HAPLN4: variants seen among roughly 807,000 people sequenced by gnomAD.
The protein encoded by HAPLN4 is hyaluronan and proteoglycan link protein 4.
HAPLN4 carries 19 observed loss-of-function variants against 28.0 expected under a neutral mutation model. That is an observed-to-expected ratio of 0.68 (90% confidence interval 0.47 to 1.00). HAPLN4 has a LOEUF of 1.00. Among genes scored for constraint, HAPLN4 ranks in the 50% least tolerant of loss-of-function variants. HAPLN4 has a pLI of 0.00. For missense variants in HAPLN4, 587 were observed against 602.6 expected (o/e 0.97, Z 0.27); for synonymous variants, 274 against 273.0 (o/e 1.00, Z -0.03).
Position 19,261,579 on chromosome 19 carries a change from G to C in HAPLN4, c.4-16C>G, listed in dbSNP as rs965140125. 16 of 1,444,298 alleles carry C rather than the reference G, an allele frequency of 1.1e-5. No individual in the cohort carries two copies. In the African/African-American group the frequency reaches 1.2e-4, roughly 11 times the overall value. 89.5% of individuals were successfully genotyped at this position (1,444,298 alleles called of 1,614,324 possible). A position where few individuals can be genotyped will look rare whatever the true frequency, so the allele number is the denominator to read the frequency against. On this transcript the variant is annotated splice_polypyrimidine_tract_variant and intron_variant, in intron 1 of 4. Coordinates refer to ENST00000291481, the MANE Select transcript of HAPLN4 (RefSeq NM_023002.3). ...GAGCGCACACCTGGGGGGCGGGCACGGGGCGCTCAGTCCAGCCTCCCAGCC... is the reference window on the plus strand; with the variant it reads ...GAGCGCACACCTGGGGGGCGGGCACCGGGCGCTCAGTCCAGCCTCCCAGCC...
chr19:19,256,238 C>T lies in HAPLN4; in HGVS notation c.*1579G>A, dbSNP rs531063295. ...TTTGTAGGACGACGACAAACATGCCCGGGTGTTGCAAGATTGTCTCGTGCA... is the reference window on the plus strand; with the variant it reads ...TTTGTAGGACGACGACAAACATGCCTGGGTGTTGCAAGATTGTCTCGTGCA... On this transcript the variant is annotated 3_prime_UTR_variant, in exon 5 of 5. Transcript: ENST00000291481. 1 of 152,258 alleles carries T rather than the reference C, an allele frequency of 6.6e-6. No individual in the cohort carries two copies. Among genetic ancestry groups the T allele is most frequent in the African/African-American group, 2.4e-5 (1 of 41,520 alleles). 9.4% of individuals were successfully genotyped at this position (152,258 alleles called of 1,614,324 possible).
chr19:19,257,144 T>C lies in HAPLN4; in HGVS notation c.*673A>G, dbSNP rs1417549278. Reference sequence around the variant, plus strand: ...GTCAGTCTGAGGTGGCAGATGGGGGTGCTCGCCCATGAAACTAGAGGGGTG... The same window carrying C: ...GTCAGTCTGAGGTGGCAGATGGGGGCGCTCGCCCATGAAACTAGAGGGGTG... On this transcript the variant is annotated 3_prime_UTR_variant, in exon 5 of 5. Transcript: ENST00000291481. 6.6e-6 allele frequency: 1 copy of C among 151,306 alleles called. No homozygotes were observed. The highest frequency in any genetic ancestry group is 2.4e-5 in the African/African-American group (1 of 41,036). 9.4% of individuals were successfully genotyped at this position (151,306 alleles called of 1,614,324 possible).
At chr19:19,262,671 A>G in intron 1 of HAPLN4, 59 bp downstream of exon 1, 1 of 1,586,560 alleles carries the variant, frequency 6.3e-7, no homozygotes, top group East Asian at 2.2e-5. Flanking sequence ...GCAGAGAGAT[A>G]TAGAATCCAA....
chr19:19,261,503 G>A lies in HAPLN4; in HGVS notation c.64C>T (p.Leu22=), dbSNP rs1263668463. Residue 22 remains leucine, a synonymous_variant, in exon 2 of 5, where the codon CTG becomes TTG. Transcript: ENST00000291481. Reference sequence around the variant, plus strand: ...TGCGCCCCCGCAGGGGCTGTGAGCAGCAGGACGCCCCAGGCCGCGGCCCAG... The same window carrying A: ...TGCGCCCCCGCAGGGGCTGTGAGCAACAGGACGCCCCAGGCCGCGGCCCAG... The part of the protein sequence containing the change: ...ALWAAAWGVL[L]LTAPAGAQRG... 1 of 1,611,630 alleles carries A rather than the reference G, an allele frequency of 6.2e-7. No homozygotes were observed. Among genetic ancestry groups the A allele is most frequent in the South Asian group, 1.1e-5 (1 of 91,020 alleles).
chr19:19,258,759 G>A lies in HAPLN4; in HGVS notation c.581C>T (p.Ser194Phe), dbSNP rs2060974719. The change falls in exon 4 of 5, where the codon TCT becomes TTT. Residue 194 changes from serine to phenylalanine, a missense_variant. Transcript: ENST00000291481. This position sits in a 1 kb window ranked among gnomAD's most constrained non-coding sequence, Gnocchi z 6.2. ...ACAEQDGILA[S>F]AEQLHAAWRD... ...CCAGGCCGCGTGCAGCTGTTCTGCA[G>A]ATGCCAGGATGCCGTCCTGCTCGGC... 6.2e-7 allele frequency: 1 copy of A among 1,604,416 alleles called. No individual in the cohort carries two copies. Among genetic ancestry groups the A allele is most frequent in the African/African-American group, 1.3e-5 (1 of 74,912 alleles).
At chr19:19,259,417 TCA>T (rs1189923109) in intron 3 of HAPLN4, among the ~76,000 whole-genome samples, 2 of 152,250 alleles carry the variant, frequency 1.3e-5, no homozygotes, top group Non-Finnish European at 1.5e-5. Context: ...CTCATTGGAC[TCA>T]CAGTCCGTTC....
Position 19,256,279 on chromosome 19 carries a change from A to C in HAPLN4, c.*1538T>G, listed in dbSNP as rs1599831080. On this transcript the variant is annotated 3_prime_UTR_variant, in exon 5 of 5. Coordinates refer to ENST00000291481, the MANE Select transcript of HAPLN4 (RefSeq NM_023002.3). ...GTCTCGTGCACAGCTGCTATCCGGC[A>C]TAGAGTTAACGTGCAAACGGAGGGT... is the stretch of plus-strand genomic sequence containing the variant. The C allele has an allele frequency of 6.6e-6, 1 of 152,386 alleles. No homozygotes were observed. Among genetic ancestry groups the C allele is most frequent in the African/African-American group, 2.4e-5 (1 of 41,440 alleles). The allele number at this position is 152,386 out of a possible 1,614,324, so 9.4% of individuals were successfully genotyped here.
chr19:19,260,767 C>T (rs759417047), intron 3 of HAPLN4, 46 bp downstream of exon 3: 28 of 1,578,760 alleles, frequency 1.8e-5, no homozygotes, highest in Middle Eastern at 3.3e-4. Flanking sequence ...TCCCCGCCCC[C>T]CTCCTTCCTC....
In HAPLN4 at chr19:19,261,568, G is replaced by T; in HGVS notation, c.4-5C>A. On this transcript the variant is annotated splice_polypyrimidine_tract_variant and splice_region_variant and intron_variant, in intron 1 of 4. Coordinates refer to ENST00000291481, the MANE Select transcript of HAPLN4 (RefSeq NM_023002.3). ...GAGGGCCGCCCGAGCGCACACCTGG[G>T]GGGCGGGCACGGGGCGCTCAGTCCA... 6.8e-7 allele frequency: 1 copy of T among 1,480,070 alleles called. No individual in the cohort carries two copies. The highest frequency in any genetic ancestry group is 8.9e-7 in the Non-Finnish European group (1 of 1,122,126). The allele number at this position is 1,480,070 out of a possible 1,614,324, so 91.7% of individuals were successfully genotyped here. A position where few individuals can be genotyped will look rare whatever the true frequency, so the allele number is the denominator to read the frequency against.
In HAPLN4 at chr19:19,255,765, G is replaced by A. The variant is rs1025400471; in HGVS notation, c.*2052C>T. 1 of 152,182 alleles carries A rather than the reference G, an allele frequency of 6.6e-6. No individual in the cohort carries two copies. The highest frequency in any genetic ancestry group is 2.4e-5 in the African/African-American group (1 of 41,432). The allele number at this position is 152,182 out of a possible 1,614,324, so 9.4% of individuals were successfully genotyped here. ...CAGGTTCAGAAGGAGTTTGTCACTT[G>A]GTCACACAGTGAGCAAGAAGAGGCA... On this transcript the variant is annotated 3_prime_UTR_variant, in exon 5 of 5. Coordinates refer to ENST00000291481, the MANE Select transcript of HAPLN4 (RefSeq NM_023002.3).
chr19:19,261,714 T>C, intron 1 of HAPLN4, 151 bp from the exon 2 acceptor site: 1 of 548,914 alleles, frequency 1.8e-6, no homozygotes, highest in Admixed American at 3.8e-5. Flanking sequence ...CTCCCCCTCC[T>C]CCTCTTGGGA....
chr19:19,258,832 G>A lies in HAPLN4; in HGVS notation c.508C>T (p.Arg170Cys), dbSNP rs777337408. ...LEGVVFPYHP[R>C]GGRYKLTFAE... ...AAGGTCAGCTTGTATCGGCCTCCAC[G>A]GGGGTGGTAGGGAAAGACCACGCCT... Residue 170 changes from arginine to cysteine, a missense_variant, in exon 4 of 5, where the codon CGT becomes TGT. Physicochemically the swap from Arg to Cys is radical, Grantham distance 180 (BLOSUM62 -3). Coordinates refer to ENST00000291481, the MANE Select transcript of HAPLN4 (RefSeq NM_023002.3). The surrounding 1 kb of genome is among the most constrained non-coding windows in gnomAD (Gnocchi z 6.2). 7.6e-6 allele frequency: 12 copies of A among 1,569,308 alleles called. No individual in the cohort carries two copies. Among genetic ancestry groups the A allele is most frequent in the Non-Finnish European group, 9.5e-6 (11 of 1,156,748 alleles).
Position 19,258,020 on chromosome 19 carries a change from G to T in HAPLN4, c.1006C>A (p.Arg336=). ...GGCCTGCGGCCTCCGCAGCGCGCTC[G>T]CGGGTTCACGATGGGGTAGCGCGCA... ...GSARYPIVNP[R]ARCGGRRPGV... Residue 336 remains arginine, a synonymous_variant, in exon 5 of 5, where the codon CGA becomes AGA. Coordinates refer to ENST00000291481, the MANE Select transcript of HAPLN4 (RefSeq NM_023002.3). This position sits in a 1 kb window ranked among gnomAD's most constrained non-coding sequence, Gnocchi z 6.2. The T allele has an allele frequency of 6.6e-7, 1 of 1,523,884 alleles. No individual in the cohort carries two copies. Among genetic ancestry groups the T allele is most frequent in the South Asian group, 1.2e-5 (1 of 83,042 alleles). The allele number at this position is 1,523,884 out of a possible 1,614,324, so 94.4% of individuals were successfully genotyped here. A position where few individuals can be genotyped will look rare whatever the true frequency, so the allele number is the denominator to read the frequency against.
Position 19,261,155 on chromosome 19 carries a change from C to T in HAPLN4, c.142G>A (p.Val48Met). The change falls in exon 3 of 5, where the codon GTG becomes ATG. Residue 48 changes from valine (V) to methionine (M), a missense_variant. Physicochemically the swap from Val to Met is conservative, Grantham distance 21. Transcript: ENST00000291481. ...ACCTGCCCAGGCGCTGTCTGTACCA[C>T]TACCGAGCCCGACTCACCCTCTGAG... Reference protein sequence around the residue: ...HVLEGESGSVVVQTAPGQVVS... With the variant: ...HVLEGESGSVMVQTAPGQVVS... The T allele has an allele frequency of 6.3e-7, 1 of 1,599,996 alleles. No homozygotes were observed. The highest frequency in any genetic ancestry group is 1.3e-5 in the African/African-American group (1 of 74,800).
Position 19,258,071 on chromosome 19 carries a change from T to TGCA in HAPLN4, c.952_954dup (p.Cys318dup). On this transcript the variant is annotated inframe_insertion, in exon 5 of 5. Coordinates refer to ENST00000291481, the MANE Select transcript of HAPLN4 (RefSeq NM_023002.3). The surrounding 1 kb of genome is among the most constrained non-coding windows in gnomAD (Gnocchi z 6.2). ...CTGCCATCGGCCAGCCAACCCGCGG[T>TGCA]GCAGCGGTCTAGCAGCTGCAGCTTC... is the stretch of plus-strand genomic sequence containing the variant. 3 of 1,554,966 alleles carry TGCA rather than the reference T, an allele frequency of 1.9e-6. No individual in the cohort carries two copies. The highest frequency in any genetic ancestry group is 2.6e-6 in the Non-Finnish European group (3 of 1,157,358).
In HAPLN4 at chr19:19,257,895, C is replaced by G; in HGVS notation, c.1131G>C (p.Trp377Cys). 6.7e-7 allele frequency: 1 copy of G among 1,489,586 alleles called. No homozygotes were observed. Among genetic ancestry groups the G allele is most frequent in the South Asian group, 1.3e-5 (1 of 78,624 alleles). The allele number at this position is 1,489,586 out of a possible 1,614,324, so 92.3% of individuals were successfully genotyped here. Residue 377 changes from tryptophan (W) to cysteine (C), a missense_variant, in exon 5 of 5, where the codon TGG becomes TGC. By Grantham distance (215) the Trp-to-Cys change is radical. Transcript: ENST00000291481. ...PGAPDPAPGG[W>C]GWGWAGGGGW... ...CGCCGCCGCCCGCCCAGCCCCAGCC[C>G]CAGCCGCCAGGTGCCGGGTCCGGTG...
rs987152997 is a variant in HAPLN4, at chr19:19,258,354, C to T, written c.818-146G>A. 79 of 1,168,250 alleles carry T rather than the reference C, an allele frequency of 6.8e-5. No homozygotes were observed. Among genetic ancestry groups the T allele is most frequent in the Non-Finnish European group, 8.8e-5 (75 of 849,704 alleles). 72.4% of individuals were successfully genotyped at this position (1,168,250 alleles called of 1,614,324 possible). ...ACAGTTCCTCCTTTGCAGCCTGGGA[C>T]CCCAGCCTAGGCCCAACCAGCGTTG... On this transcript the variant is annotated intron_variant, in intron 4 of 4. Coordinates refer to ENST00000291481, the MANE Select transcript of HAPLN4 (RefSeq NM_023002.3). The surrounding 1 kb of genome is among the most constrained non-coding windows in gnomAD (Gnocchi z 6.2).
chr19:19,258,601 C>T lies in HAPLN4; in HGVS notation c.739G>A (p.Gly247Arg). ...GSAGGGGDAN[G>R]GLRNYGYRHN... ...CGATACCCGTAGTTGCGCAGGCCCC[C>T]GTTGGCATCACCGCCGCCCCCTGCA... Residue 247 changes from glycine to arginine, a missense_variant, in exon 4 of 5, where the codon GGG (glycine) becomes AGG (arginine). Transcript: ENST00000291481. The surrounding 1 kb of genome is among the most constrained non-coding windows in gnomAD (Gnocchi z 6.2). 1 of 1,613,578 alleles carries T rather than the reference C, an allele frequency of 6.2e-7. No individual in the cohort carries two copies. Among genetic ancestry groups the T allele is most frequent in the South Asian group, 1.1e-5 (1 of 91,076 alleles).
In HAPLN4 at chr19:19,261,923, C is replaced by T. The variant is rs916549309; in HGVS notation, c.4-360G>A. Among the ~76,000 whole-genome samples the T allele has an allele frequency of 9.9e-5, 15 of 151,754 alleles. 1 individual carries two copies. In the South Asian group the frequency reaches 2.7e-3, roughly 27 times the overall value. ...GGCGGCAGCAAGGTTATCCGTGCGC[C>T]AGGAGACTGCAGCAAACCGGGCCGG... On this transcript the variant is annotated intron_variant, in intron 1 of 4. Transcript: ENST00000291481.
Sources: gnomAD v4.1 joint callset for allele counts (sites outside exome capture counted in the v4.1 genomes callset) on GRCh38, gnomAD v4.1.1 for gene constraint, Gnocchi (gnomAD v3.1) non-coding constraint, MANE v1.5 for transcripts, NCBI Gene and HGNC (gene_info 2026-07-23, HGNC 2026-07-21) for gene names.